GMDS: variants seen among roughly 807,000 people sequenced by gnomAD.
GMDS encodes GDP-mannose 4,6 dehydratase.
A neutral mutation model predicts 49.9 loss-of-function variants in GMDS; 20 were observed. The ratio of observed to expected loss-of-function variants is 0.40; its 90% CI spans 0.28 to 0.58. GMDS has a LOEUF of 0.58. GMDS is among the 20% of genes least tolerant of loss of function. GMDS has a pLI of 0.42. For synonymous variants in GMDS, 177 were observed against 178.6 expected (o/e 0.99, Z 0.07); for missense variants, 362 against 481.4 (o/e 0.75, Z 2.32).
At chr6:1,902,955 T>C (rs1343731755) in intron 7 of GMDS, among the ~76,000 whole-genome samples, 1 of 152,202 alleles carries the variant, frequency 6.6e-6, no homozygotes, top group Non-Finnish European at 1.5e-5. Flanking sequence ...AATATAAAGA[T>C]AGGCTGTATA....
intron 6 of GMDS, among the ~76,000 whole-genome samples, chr6:1,942,388 A>G (rs1437314857): frequency 6.6e-6 from 1 of 151,878 alleles, no homozygotes; most frequent in Non-Finnish European, 1.5e-5. Context: ...GCTCTTTCCT[A>G]CTTCACATGG....
intron 9 of GMDS, among the ~76,000 whole-genome samples, chr6:1,671,871 G>A (rs1163374517): frequency 1.3e-5 from 2 of 152,052 alleles, no homozygotes; most frequent in Non-Finnish European, 2.9e-5. Flanking sequence ...CACCATGTTG[G>A]CCAGGATGGC....
intron 8 of GMDS, among the ~76,000 whole-genome samples, chr6:1,737,461 A>G (rs944468294): frequency 2.0e-5 from 3 of 152,060 alleles, no homozygotes; most frequent in Non-Finnish European, 4.4e-5. Context: ...ACAGCACTAA[A>G]AAGAGCCCCA....
intron 1 of GMDS, among the ~76,000 whole-genome samples, chr6:2,140,240 G>A (rs1303848931): frequency 1.3e-5 from 2 of 152,130 alleles, no homozygotes; most frequent in Non-Finnish European, 2.9e-5. Flanking sequence ...GGCAGTGGGA[G>A]ATTTCACCCA....
At chr6:2,160,957 A>G (rs1777367929) in intron 1 of GMDS, among the ~76,000 whole-genome samples, 1 of 152,202 alleles carries the variant, frequency 6.6e-6, no homozygotes, top group Admixed American at 6.5e-5. Flanking sequence ...CAATGACCAT[A>G]CCCTGAAGCT....
intron 7 of GMDS, among the ~76,000 whole-genome samples, chr6:1,779,054 G>A (rs939928079): frequency 6.6e-6 from 1 of 151,948 alleles, no homozygotes; most frequent in African/African-American, 2.4e-5. Context: ...CTCAAGTGGG[G>A]GTCTCAAGAG....
intron 1 of GMDS, among the ~76,000 whole-genome samples, chr6:2,176,836 C>T (rs1561633590): frequency 6.6e-6 from 1 of 151,970 alleles, no homozygotes; most frequent in South Asian, 2.1e-4. Flanking sequence ...AGTGCAGGGC[C>T]AAGGAGGGAG....
At chr6:1,848,201 C>T (rs192741386) in intron 7 of GMDS, among the ~76,000 whole-genome samples, 12 of 152,298 alleles carry the variant, frequency 7.9e-5, no homozygotes, top group African/African-American at 2.2e-4. Context: ...CAGGTCCCAA[C>T]GTACCGCCCC....
At chr6:2,194,484 A>G (rs1779198009) in intron 1 of GMDS, among the ~76,000 whole-genome samples, 1 of 152,238 alleles carries the variant, frequency 6.6e-6, no homozygotes, top group African/African-American at 2.4e-5. Context: ...TTCAGCTAAA[A>G]GTATTATAAC....
chr6:2,230,627 A>C (rs1781044228), intron 1 of GMDS, among the ~76,000 whole-genome samples: 1 of 152,196 alleles, frequency 6.6e-6, no homozygotes, highest in African/African-American at 2.4e-5. Context: ...AAGACAACTC[A>C]ATGGAAAGAA....
chr6:2,233,438 A>G (rs1053081075), intron 1 of GMDS, among the ~76,000 whole-genome samples: 1 of 152,234 alleles, frequency 6.6e-6, no homozygotes, highest in African/African-American at 2.4e-5. Flanking sequence ...TCAAAGCCAC[A>G]TGGTCTCTGT....
chr6:1,958,307 G>A (rs923330156), intron 6 of GMDS, among the ~76,000 whole-genome samples: 1 of 150,694 alleles, frequency 6.6e-6, no homozygotes, highest in Non-Finnish European at 1.5e-5. Flanking sequence ...TTTTTTTGCA[G>A]GTGGAAAAGT....
chr6:1,795,486 CTT>C (rs1769703907), intron 7 of GMDS, among the ~76,000 whole-genome samples: 1 of 152,102 alleles, frequency 6.6e-6, no homozygotes, highest in South Asian at 2.1e-4. Flanking sequence ...ATATATTTCT[CTT>C]AAATCATTTA....
intron 1 of GMDS, among the ~76,000 whole-genome samples, chr6:2,193,720 ATT>A (rs35997013): frequency 1.9e-3 from 210 of 111,756 alleles, no homozygotes; most frequent in African/African-American, 7.0e-3. Flanking sequence ...TGAAAATGCT[ATT>A]TTTTTTTTTT....
intron 7 of GMDS, among the ~76,000 whole-genome samples, chr6:1,795,808 C>A (rs146458658): frequency 2.0e-4 from 30 of 152,292 alleles, no homozygotes; most frequent in African/African-American, 7.2e-4. Flanking sequence ...TTAAACATCT[C>A]CTTAATTTTA....
intron 7 of GMDS, among the ~76,000 whole-genome samples, chr6:1,765,013 T>C (rs1435570498): frequency 1.3e-5 from 2 of 152,126 alleles, no homozygotes; most frequent in Non-Finnish European, 2.9e-5. Flanking sequence ...TGTTGCTAAA[T>C]AGTAAACAGC....
At chr6:1,944,302 C>T (rs752847673) in intron 6 of GMDS, among the ~76,000 whole-genome samples, 32 of 152,202 alleles carry the variant, frequency 2.1e-4, no homozygotes, top group Non-Finnish European at 3.5e-4. Flanking sequence ...ATCAGGAGTT[C>T]GAGACCATCC....
chr6:1,917,573 T>C (rs1309182032), intron 7 of GMDS, among the ~76,000 whole-genome samples: 1 of 152,180 alleles, frequency 6.6e-6, no homozygotes, highest in Non-Finnish European at 1.5e-5. Context: ...AAACTTGAAA[T>C]TTGAGACCCA....
chr6:1,928,294 G>A (rs1218235845), intron 7 of GMDS, among the ~76,000 whole-genome samples: 1 of 151,984 alleles, frequency 6.6e-6, no homozygotes, highest in Non-Finnish European at 1.5e-5. Context: ...GAACCCGGGA[G>A]GCAGAGGTTG....
Sources: gnomAD v4.1 joint callset for allele counts (sites outside exome capture counted in the v4.1 genomes callset) on GRCh38, gnomAD v4.1.1 for gene constraint, MANE v1.5 for transcripts, NCBI Gene and HGNC (gene_info 2026-07-23, HGNC 2026-07-21) for gene names.